Variants in MTO1 observed in about 807,000 individuals in gnomAD.
MTO1 encodes the protein mitochondrial tRNA translation optimization 1.
A neutral mutation model predicts 71.6 loss-of-function variants in MTO1; 46 were observed. The observed-to-expected ratio is 0.64, with a 90% CI of 0.51 to 0.82. The LOEUF (loss-of-function observed/expected upper bound fraction) is 0.82, where lower values mean the gene tolerates loss of function less well. Among genes scored for constraint, MTO1 ranks in the 40% least tolerant of loss-of-function variants. The probability of loss-of-function intolerance (pLI) is 0.00; values close to 1 mark genes in which losing one functional copy is unlikely to be tolerated. For synonymous variants in MTO1, 297 were observed against 312.1 expected, an observed-to-expected ratio of 0.95 and a Z score of 0.51; for missense variants, 773 against 867.5, an observed-to-expected ratio of 0.89 and a Z score of 1.37.
rs1156920573 is a variant in MTO1, at chr6:73,480,086, A to G, written c.1089A>G (p.Thr363=). The change falls in exon 6 of 12, where the codon ACA becomes ACG. Residue 363 remains threonine, a synonymous_variant. Transcript: ENST00000498286. The part of the protein sequence containing the change: ...LPAELQEKMI[T]CIRGLEKAKV... ...CTGAGTTACAAGAGAAAATGATCAC[A>G]TGCATCAGAGGCTTGGAGAAAGCTA... The G allele has an allele frequency of 1.2e-6, 2 of 1,614,048 alleles. No individual in the cohort carries two copies. Among genetic ancestry groups the G allele is most frequent in the Non-Finnish European group, 8.5e-7 (1 of 1,180,038 alleles).
At chr6:73,491,396 CAAAAAAAA>C (rs1223217073) in intron 9 of MTO1, among the ~76,000 whole-genome samples, 1 of 133,746 alleles carries the variant, frequency 7.5e-6, no homozygotes, top group African/African-American at 2.9e-5. Context: ...CCTGTCTCTA[CAAAAAAAA>C]AAAAAAAAAG....
chr6:73,486,483 A>C, intron 9 of MTO1: 3 of 343,310 alleles, frequency 8.7e-6, no homozygotes, highest in South Asian at 6.4e-5. Flanking sequence ...CACGCCTGTA[A>C]TCCCAGCACT....
In MTO1 at chr6:73,505,371, G is replaced by C. The variant is rs963816281; in HGVS notation, c.*4636G>C. On this transcript the variant is annotated 3_prime_UTR_variant, in exon 12 of 12. Transcript: ENST00000498286. ...ACATGCTACAGCATGGATAAACCTTGAAAAAGTTATGCTAACTGAAATCAG... is the reference window on the plus strand; with the variant it reads ...ACATGCTACAGCATGGATAAACCTTCAAAAAGTTATGCTAACTGAAATCAG... 6.6e-6 allele frequency: 1 copy of C among 152,134 alleles called. No individual in the cohort carries two copies. The highest frequency in any genetic ancestry group is 6.6e-5 in the Admixed American group (1 of 15,262). The allele number at this position is 152,134 out of a possible 1,614,324, so 9.4% of individuals were successfully genotyped here.
chr6:73,478,761 CA>C (rs1055023708), intron 4 of MTO1, among the ~76,000 whole-genome samples: 1 of 151,786 alleles, frequency 6.6e-6, no homozygotes, highest in African/African-American at 2.4e-5. Context: ...AGGCTGTTCT[CA>C]AACTCCTGAC....
At chr6:73,500,338 C>T (rs1465400732) in intron 11 of MTO1, among the ~76,000 whole-genome samples, 1 of 152,098 alleles carries the variant, frequency 6.6e-6, no homozygotes, top group Non-Finnish European at 1.5e-5. Context: ...GTTATGTAAT[C>T]TTGCACAAGC....
At chr6:73,481,038 G>C in intron 7 of MTO1, 1 of 450,162 alleles carries the variant, frequency 2.2e-6, no homozygotes, top group Non-Finnish European at 3.9e-6. Context: ...GCAGTGATAT[G>C]ATCTCCCAGC....
chr6:73,494,460 T>C (rs1470561887), intron 10 of MTO1, among the ~76,000 whole-genome samples: 1 of 150,940 alleles, frequency 6.6e-6, no homozygotes, highest in Non-Finnish European at 1.5e-5. Flanking sequence ...CTTCTAGCAG[T>C]GGCATTTTCT....
intron 6 of MTO1, 87 bp downstream of exon 6, chr6:73,480,213 T>C: frequency 1.1e-5 from 14 of 1,279,382 alleles, no homozygotes; most frequent in Non-Finnish European, 1.6e-5. Flanking sequence ...TCATTGTTGT[T>C]CAGAGCCTCA....
rs573429647 is a variant in MTO1, at chr6:73,471,119, A to G, written c.536-2246A>G. Among the ~76,000 whole-genome samples, 6 of 151,932 alleles carry G rather than the reference A, an allele frequency of 3.9e-5. No homozygotes were observed. The East Asian group carries it at 9.7e-4, about 24-fold the overall frequency. ...ATGTATTTTTTGTTGTTTTCACAAA[A>G]TCGTAGCATATTATACACACTGTTC... is the stretch of plus-strand genomic sequence containing the variant. On this transcript the variant is annotated intron_variant, in intron 3 of 11. Transcript: ENST00000498286.
Position 73,461,868 on chromosome 6 carries a change from G to C in MTO1, c.14G>C (p.Arg5Pro). Residue 5 changes from arginine (R) to proline (P), a missense_variant, in exon 1 of 12, where the codon CGA becomes CCA. Transcript: ENST00000498286. MFYF[R>P]GCGRWVAVSF... is the part of the protein sequence containing the mutation. ...TTTTCTCCCAGCATGTTCTACTTCC[G>C]AGGCTGTGGCCGTTGGGTCGCGGTT... 6.2e-7 allele frequency: 1 copy of C among 1,613,346 alleles called. No individual in the cohort carries two copies. The highest frequency in any genetic ancestry group is 8.5e-7 in the Non-Finnish European group (1 of 1,179,300).
At chr6:73,498,996 G>A (rs192908057) in intron 11 of MTO1, among the ~76,000 whole-genome samples, 93 of 152,138 alleles carry the variant, frequency 6.1e-4, no homozygotes, top group Non-Finnish European at 1.1e-3. Flanking sequence ...CAAAGTCCTG[G>A]GATTACAGGC....
chr6:73,461,983 T>C lies in MTO1; in HGVS notation c.129T>C (p.Gly43=), dbSNP rs1462823709. ...RTPHFDVIVI[G]GGHAGTEAAT... is the part of the protein sequence containing the mutation. ...CGCACTTCGACGTGATAGTCATTGG[T>C]GGAGGACATGCCGGGACTGAGGCAG... Residue 43 remains glycine, a synonymous_variant, in exon 1 of 12, where the codon GGT becomes GGC. Coordinates refer to ENST00000498286, the MANE Select transcript of MTO1 (RefSeq NM_012123.4). 6.2e-7 allele frequency: 1 copy of C among 1,614,168 alleles called. No homozygotes were observed. The highest frequency in any genetic ancestry group is 1.1e-5 in the South Asian group (1 of 91,086).
At chr6:73,498,788 G>A (rs1246814347) in intron 11 of MTO1, among the ~76,000 whole-genome samples, 1 of 151,428 alleles carries the variant, frequency 6.6e-6, no homozygotes, top group African/African-American at 2.4e-5. Flanking sequence ...GCAGTGGAAC[G>A]ATCTCGGCTC....
chr6:73,486,489 G>A (rs1771656595), intron 9 of MTO1: 4 of 354,676 alleles, frequency 1.1e-5, no homozygotes, highest in Non-Finnish European at 2.3e-5. Flanking sequence ...TGTAATCCCA[G>A]CACTTTAGGA....
chr6:73,466,923 T>A (rs994581606), intron 3 of MTO1, among the ~76,000 whole-genome samples: 2 of 152,094 alleles, frequency 1.3e-5, no homozygotes, highest in African/African-American at 2.4e-5. Context: ...TTTAATTTTT[T>A]AAAAAATTCA....
intron 9 of MTO1, among the ~76,000 whole-genome samples, chr6:73,488,480 T>G (rs574717096): frequency 3.3e-5 from 5 of 152,328 alleles, no homozygotes; most frequent in African/African-American, 1.2e-4. Flanking sequence ...CCAGATTTTT[T>G]TATTGTTGAA....
In MTO1 at chr6:73,509,212, A is replaced by G. The variant is rs1211714498; in HGVS notation, c.*8477A>G. 1 of 152,250 alleles carries G rather than the reference A, an allele frequency of 6.6e-6. No homozygotes were observed. Among genetic ancestry groups the G allele is most frequent in the Non-Finnish European group, 1.5e-5 (1 of 68,046 alleles). 9.4% of individuals were successfully genotyped at this position (152,250 alleles called of 1,614,324 possible). Reference sequence around the variant, plus strand: ...ATCTTCTATACGCTTTTTTCACTGGAATAAATGAAACTGCTTACTTTTGAC... The same window carrying G: ...ATCTTCTATACGCTTTTTTCACTGGGATAAATGAAACTGCTTACTTTTGAC... On this transcript the variant is annotated 3_prime_UTR_variant, in exon 12 of 12. Transcript: ENST00000498286.
rs1772177070 is a variant in MTO1, at chr6:73,502,161, A to G, written c.*1426A>G. On this transcript the variant is annotated 3_prime_UTR_variant, in exon 12 of 12. Transcript: ENST00000498286. The stretch of plus-strand genomic sequence containing the variant: ...CACATTGTGTATATATTTTGAAAAG[A>G]GGCTGGTTGCAGCAGCTCACGCCTG... 1.3e-5 allele frequency: 2 copies of G among 152,208 alleles called. No individual in the cohort carries two copies. The highest frequency in any genetic ancestry group is 2.9e-5 in the Non-Finnish European group (2 of 68,030). The allele number at this position is 152,208 out of a possible 1,614,324, so 9.4% of individuals were successfully genotyped here.
Position 73,500,627 on chromosome 6 carries a change from G to C in MTO1, c.1971G>C (p.Leu657=). The C allele has an allele frequency of 6.2e-7, 1 of 1,613,976 alleles. No individual in the cohort carries two copies. Among genetic ancestry groups the C allele is most frequent in the Non-Finnish European group, 8.5e-7 (1 of 1,179,942 alleles). The change falls in exon 12 of 12, where the codon CTG becomes CTC. Residue 657 remains leucine (L), a synonymous_variant. Coordinates refer to ENST00000498286, the MANE Select transcript of MTO1 (RefSeq NM_012123.4). ...TAACACCTGCCGCCATCATCAATCT[G>C]CTGAGATTTGTGAAGACCACTCAAC... ...PGVTPAAIIN[L]LRFVKTTQRR... is the part of the protein sequence containing the mutation.
Sources: allele counts gnomAD v4.1 joint callset (sites outside exome capture counted in the v4.1 genomes callset), GRCh38; gene constraint gnomAD v4.1.1; transcripts MANE v1.5; gene names NCBI Gene and HGNC (gene_info 2026-07-23, HGNC 2026-07-21).